KANSL1L: variants seen among roughly 807,000 people sequenced by gnomAD.
KANSL1L encodes the protein KAT8 regulatory NSL complex subunit 1-like protein.
KANSL1L carries 25 observed loss-of-function variants against 108.6 expected under a neutral mutation model. The observed-to-expected ratio is 0.23, with a 90% CI of 0.17 to 0.32. KANSL1L has a LOEUF of 0.32. Ranked by LOEUF, KANSL1L falls within the 10% of genes least tolerant of loss-of-function variation. KANSL1L has a pLI of 1.00. For missense variants in KANSL1L, 1,137 were observed against 1,125.7 expected (o/e 1.01, Z -0.14); for synonymous variants, 405 against 395.1 (o/e 1.03, Z -0.30).
At chr2:210,130,114 T>C (rs747440655) in intron 2 of KANSL1L, among the ~76,000 whole-genome samples, 3 of 152,270 alleles carry the variant, frequency 2.0e-5, no homozygotes, top group Non-Finnish European at 4.4e-5. Flanking sequence ...ACCCGCTGAC[T>C]GTAGAACGCC....
intron 2 of KANSL1L, among the ~76,000 whole-genome samples, chr2:210,149,435 T>C (rs529818298): frequency 1.6e-4 from 24 of 152,138 alleles, no homozygotes; most frequent in Non-Finnish European, 3.2e-4. Context: ...CAATGAAAAT[T>C]TGTGTTAGCA....
chr2:210,103,249 T>C (rs866347645), intron 4 of KANSL1L, among the ~76,000 whole-genome samples: 15 of 146,200 alleles, frequency 1.0e-4, no homozygotes, highest in African/African-American at 2.3e-4. Flanking sequence ...TTCTCACTCA[T>C]AGGTGGGAAA....
intron 3 of KANSL1L, among the ~76,000 whole-genome samples, chr2:210,127,616 G>C (rs114533478): frequency 0.011 from 1,624 of 151,596 alleles, 24 homozygotes; most frequent in African/African-American, 0.035. Context: ...CTGGGCAATA[G>C]AGGGAGATCC....
Position 210,154,157 on chromosome 2 carries a change from C to T in KANSL1L, c.426G>A (p.Thr142=), listed in dbSNP as rs560244599. 1.1e-5 allele frequency: 18 copies of T among 1,613,900 alleles called. No homozygotes were observed. The highest frequency in any genetic ancestry group is 4.0e-5 in the African/African-American group (3 of 75,004). ...TTTGTACATCTTTCATGCACTGGCT[C>T]GTGGTATCTGATAGAGGCTCCTTTT... ...FIKKEPLSDT[T]SQCMKDVQII... Residue 142 remains threonine (T), a synonymous_variant, in exon 2 of 15, where the codon ACG becomes ACA. Transcript: ENST00000281772.
At chr2:210,108,625 A>C (rs1207989715) in intron 3 of KANSL1L, among the ~76,000 whole-genome samples, 1 of 152,186 alleles carries the variant, frequency 6.6e-6, no homozygotes, top group East Asian at 1.9e-4. Context: ...GCTATAAAAA[A>C]CGTGTGAAAT....
chr2:210,056,655 A>G (rs972341042), intron 6 of KANSL1L, among the ~76,000 whole-genome samples: 5 of 151,978 alleles, frequency 3.3e-5, no homozygotes, highest in African/African-American at 1.2e-4. Context: ...TAATTTTTAT[A>G]TTTTTAGTAG....
intron 2 of KANSL1L, among the ~76,000 whole-genome samples, chr2:210,136,442 T>C (rs959275378): frequency 1.3e-5 from 2 of 152,194 alleles, no homozygotes; most frequent in East Asian, 3.8e-4. Flanking sequence ...ACATCAAACA[T>C]TGACAAATAA....
chr2:210,075,520 T>C, intron 6 of KANSL1L, 32 bp downstream of exon 6: 3 of 1,415,024 alleles, frequency 2.1e-6, no homozygotes, highest in Middle Eastern at 1.8e-4. Context: ...GGTGAATCTT[T>C]GATCATGTTT....
intron 3 of KANSL1L, among the ~76,000 whole-genome samples, chr2:210,128,682 A>C (rs1397732135): frequency 6.6e-6 from 1 of 152,204 alleles, no homozygotes; most frequent in Non-Finnish European, 1.5e-5. Flanking sequence ...CGACAGATGC[A>C]CAACATTACA....
intron 8 of KANSL1L, among the ~76,000 whole-genome samples, chr2:210,039,351 C>T (rs2094140619): frequency 3.3e-5 from 5 of 151,878 alleles, no homozygotes; most frequent in Admixed American, 1.3e-4. Flanking sequence ...TGTAGGTACT[C>T]GTTAAGTTTG....
chr2:210,168,194 T>C (rs1384491595), intron 1 of KANSL1L, among the ~76,000 whole-genome samples: 1 of 152,100 alleles, frequency 6.6e-6, no homozygotes, highest in East Asian at 1.9e-4. Flanking sequence ...ATGTCACTCC[T>C]GCTGCAAGCA....
chr2:210,035,512 C>T (rs1433577337), intron 8 of KANSL1L, among the ~76,000 whole-genome samples: 2 of 152,072 alleles, frequency 1.3e-5, no homozygotes, highest in African/African-American at 2.4e-5. Context: ...TGAAGTCTCA[C>T]TCTGTTACCC....
rs932225985 is a variant in KANSL1L at position 210,054,687 on chromosome 2, T to C, written c.1756-10583A>G. Among the ~76,000 whole-genome samples the C allele has an allele frequency of 9.9e-5, 15 of 150,926 alleles. 1 individual carries two copies. Among genetic ancestry groups the C allele is most frequent in the Non-Finnish European group, 1.5e-5 (1 of 67,912 alleles). On this transcript the variant is annotated intron_variant, in intron 6 of 14. Transcript: ENST00000281772. ...AGCTCTCCAAGATCTGGTACTGATA[T>C]TCAACATTGCACTAGAAGTTCTAGC...
intron 4 of KANSL1L, among the ~76,000 whole-genome samples, chr2:210,098,818 G>A (rs1014934195): frequency 6.1e-5 from 1 of 16,480 alleles, no homozygotes; most frequent in Non-Finnish European, 2.8e-3. Flanking sequence ...ACAAATATCA[G>A]AGTTTTTTTT....
intron 2 of KANSL1L, among the ~76,000 whole-genome samples, chr2:210,142,158 A>C (rs1285453102): frequency 6.6e-6 from 1 of 150,452 alleles, no homozygotes; most frequent in African/African-American, 2.4e-5. Context: ...TTGATGGGGG[A>C]CTTTATTACT....
At chr2:210,067,929 G>A (rs1377265200) in intron 6 of KANSL1L, among the ~76,000 whole-genome samples, 1 of 151,930 alleles carries the variant, frequency 6.6e-6, no homozygotes, top group Non-Finnish European at 1.5e-5. Context: ...CCAGGCTGGA[G>A]TGCAGTGGCA....
At chr2:210,026,332 AATCTT>A (rs2093936379) in intron 12 of KANSL1L, 1 of 152,186 alleles carries the variant, frequency 6.6e-6, no homozygotes. Context: ...TTTTCCCTAT[AATCTT>A]ATCTTGATAT....
chr2:210,149,239 C>A (rs2095285781), intron 2 of KANSL1L, among the ~76,000 whole-genome samples: 1 of 152,066 alleles, frequency 6.6e-6, no homozygotes, highest in Admixed American at 6.6e-5. Context: ...TATACAAACA[C>A]AGAAATAGTC....
intron 3 of KANSL1L, among the ~76,000 whole-genome samples, chr2:210,127,465 A>G (rs2095076820): frequency 6.6e-6 from 1 of 152,154 alleles, no homozygotes; most frequent in Non-Finnish European, 1.5e-5. Context: ...AAATTTTGAA[A>G]ATTTGGGCAG....
Sources: gnomAD v4.1 joint callset for allele counts (sites outside exome capture counted in the v4.1 genomes callset) on GRCh38, gnomAD v4.1.1 for gene constraint, MANE v1.5 for transcripts, NCBI Gene and HGNC (gene_info 2026-07-23, HGNC 2026-07-21) for gene names.